The following PIWIL2 variants were observed in gnomAD, a reference collection of about 807,000 sequenced individuals.
The protein encoded by PIWIL2 is piwi-like protein 2.
Under a neutral mutation model 116.5 loss-of-function variants are expected in PIWIL2, and 81 were observed. That is an observed-to-expected ratio of 0.70 (90% confidence interval 0.58 to 0.84). The LOEUF is 0.84. Ranked by LOEUF, PIWIL2 falls within the 40% of genes least tolerant of loss-of-function variation. The pLI, the probability that PIWIL2 is intolerant of heterozygous loss-of-function variation, is 0.00. For synonymous variants in PIWIL2, 489 were observed against 429.5 expected (o/e 1.14, Z -1.71); for missense variants, 1,272 against 1,212.3 (o/e 1.05, Z -0.73).
chr8:22,340,968 C>T (rs1382238179), intron 20 of PIWIL2, among the ~76,000 whole-genome samples: 1 of 152,126 alleles, frequency 6.6e-6, no homozygotes, highest in Non-Finnish European at 1.5e-5. Context: ...CCGCCTTGCC[C>T]TCCCAAAGTG....
chr8:22,319,549 A>G (rs1369630813), intron 20 of PIWIL2, among the ~76,000 whole-genome samples: 2 of 152,180 alleles, frequency 1.3e-5, no homozygotes, highest in South Asian at 2.1e-4. Context: ...TGGGTTGTAA[A>G]TTACTTGAAC....
Position 22,296,020 on chromosome 8 carries a change from CTTTTTTTTTTTTTTT to C in PIWIL2, c.1181+5698_1181+5712del, listed in dbSNP as rs67357452. Among the ~76,000 whole-genome samples the C allele has an allele frequency of 2.1e-3, 211 of 102,826 alleles. No individual in the cohort carries two copies. The South Asian group carries it at 0.022, about 11-fold the overall frequency. 67.5% of individuals were successfully genotyped at this position (102,826 alleles called of 152,430 possible). ...ACTGTCTTGGGGTTCCTCTTCCCTT[CTTTTTTTTTTTTTTT>C]TTTTTTTTTTTTTTTTTTTTTTTGT... is the stretch of plus-strand genomic sequence containing the variant. On this transcript the variant is annotated intron_variant, in intron 10 of 22. Transcript: ENST00000356766.
chr8:22,322,797 T>G (rs1831632454), intron 20 of PIWIL2, among the ~76,000 whole-genome samples: 5 of 152,072 alleles, frequency 3.3e-5, no homozygotes, highest in Admixed American at 3.3e-4. Flanking sequence ...TGCCTTGGCC[T>G]CCCAAAGTGC....
At chr8:22,309,933 T>C in intron 14 of PIWIL2, 28 bp from the exon 15 acceptor site, 1 of 1,343,526 alleles carries the variant, frequency 7.4e-7, no homozygotes, top group Non-Finnish European at 1.1e-6. Flanking sequence ...AAAAGGCTCA[T>C]GTCATAGATG....
Position 22,336,836 on chromosome 8 carries a change from G to A in PIWIL2, c.2404-16123G>A, listed in dbSNP as rs535291262. On this transcript the variant is annotated intron_variant, in intron 20 of 22. Transcript: ENST00000356766. The stretch of plus-strand genomic sequence containing the variant: ...AAGCCAAAAGTTGGTTCTTTGAGGA[G>A]ATAAAGTTGACAACCTTTAGTTTAG... 4.3e-4 allele frequency among the ~76,000 whole-genome samples: 65 copies of A among 152,132 alleles called. 1 individual carries two copies. Among genetic ancestry groups the A allele is most frequent in the African/African-American group, 1.6e-3 (65 of 41,440 alleles).
Position 22,290,230 on chromosome 8 carries a change from C to T in PIWIL2, c.1068-3C>T. 1.3e-6 allele frequency: 2 copies of T among 1,579,970 alleles called. No homozygotes were observed. The highest frequency in any genetic ancestry group is 8.7e-7 in the Non-Finnish European group (1 of 1,150,048). On this transcript the variant is annotated splice_polypyrimidine_tract_variant and splice_region_variant and intron_variant, in intron 9 of 22. Transcript: ENST00000356766. ...CTACAGTTGAGACCACCTCTCTCTC[C>T]AGATTGCAGATCTGGCCAGGCTATG...
chr8:22,283,265 T>A, intron 5 of PIWIL2, 25 bp downstream of exon 5: 1 of 1,549,682 alleles, frequency 6.5e-7, no homozygotes, highest in African/African-American at 1.4e-5. Flanking sequence ...CTGCCTTCTC[T>A]ACTTAGTAAT....
chr8:22,298,880 G>A (rs1207764541), intron 10 of PIWIL2, among the ~76,000 whole-genome samples: 4 of 152,182 alleles, frequency 2.6e-5, no homozygotes, highest in East Asian at 3.9e-4. Flanking sequence ...AGAGGTATGC[G>A]TATTGGATTA....
intron 20 of PIWIL2, among the ~76,000 whole-genome samples, chr8:22,352,533 G>A (rs1204415106): frequency 2.0e-5 from 3 of 152,298 alleles, no homozygotes; most frequent in Non-Finnish European, 2.9e-5. Context: ...GATGGCAGCG[G>A]ATCTGTGGCA....
At chr8:22,312,029 T>A (rs1831344710) in intron 16 of PIWIL2, among the ~76,000 whole-genome samples, 1 of 152,076 alleles carries the variant, frequency 6.6e-6, no homozygotes. Flanking sequence ...GTTGGGATGC[T>A]GAGGTGGGCG....
intron 20 of PIWIL2, among the ~76,000 whole-genome samples, chr8:22,323,374 C>A (rs1158884964): frequency 2.0e-5 from 3 of 152,094 alleles, no homozygotes; most frequent in Non-Finnish European, 2.9e-5. Context: ...TCTCGAACTC[C>A]TGACCTCGTG....
chr8:22,318,065 A>G (rs1484896605), intron 19 of PIWIL2, 105 bp from the exon 20 acceptor site: 1 of 640,146 alleles, frequency 1.6e-6, no homozygotes, highest in East Asian at 2.7e-5. Flanking sequence ...TTGTTTTTGG[A>G]TTGATTGGTA....
At chr8:22,283,468 G>C (rs1360077392) in intron 5 of PIWIL2, among the ~76,000 whole-genome samples, 1 of 152,208 alleles carries the variant, frequency 6.6e-6, no homozygotes, top group Non-Finnish European at 1.5e-5. Context: ...CAGTGCAGTG[G>C]TGCAATCTTG....
At position 22,305,998 on chromosome 8, in the gene PIWIL2, G is replaced by A; in HGVS notation, c.1527G>A (p.Lys509=). 2 of 1,613,416 alleles carry A rather than the reference G, an allele frequency of 1.2e-6. No homozygotes were observed. Among genetic ancestry groups the A allele is most frequent in the Admixed American group, 3.3e-5 (2 of 60,018 alleles). ...FMTGIPEKMK[K]DFRAMKDLAQ... is the part of the protein sequence containing the mutation. Reference sequence around the variant, plus strand: ...CCGGAATCCCAGAGAAGATGAAGAAGGACTTCAGAGCCATGAAGGTTGGAG... The same window carrying A: ...CCGGAATCCCAGAGAAGATGAAGAAAGACTTCAGAGCCATGAAGGTTGGAG... The change falls in exon 13 of 23, where the codon AAG becomes AAA. Residue 509 remains lysine, a synonymous_variant. Transcript: ENST00000356766.
chr8:22,282,001 G>C (rs908982194), intron 4 of PIWIL2, among the ~76,000 whole-genome samples: 2 of 150,616 alleles, frequency 1.3e-5, no homozygotes, highest in Non-Finnish European at 2.9e-5. Context: ...TTGAGCTCCT[G>C]ACCTCAGGCA....
chr8:22,324,573 G>C (rs1004344211), intron 20 of PIWIL2, among the ~76,000 whole-genome samples: 1 of 152,104 alleles, frequency 6.6e-6, no homozygotes, highest in African/African-American at 2.4e-5. Flanking sequence ...TGAAGGTACA[G>C]TTCACCCCCA....
chr8:22,307,275 G>T (rs183843207), intron 13 of PIWIL2, among the ~76,000 whole-genome samples: 1 of 151,506 alleles, frequency 6.6e-6, no homozygotes, highest in Admixed American at 6.6e-5. Context: ...GCCTGTCTTG[G>T]CCTCCCAAAG....
chr8:22,279,327 G>A lies in PIWIL2; in HGVS notation c.-46-14G>A. The A allele has an allele frequency of 1.5e-6, 2 of 1,292,242 alleles. No homozygotes were observed. Among genetic ancestry groups the A allele is most frequent in the Non-Finnish European group, 2.3e-6 (2 of 887,416 alleles). The allele number at this position is 1,292,242 out of a possible 1,614,324, so 80.0% of individuals were successfully genotyped here. A position where few individuals can be genotyped will look rare whatever the true frequency, so the allele number is the denominator to read the frequency against. ...AAACAATTGGGAATCTTAATCTTTT[G>A]AAAATGATGGCAGGTAATTAACCAG... On this transcript the variant is annotated splice_polypyrimidine_tract_variant and intron_variant, in intron 1 of 22. Transcript: ENST00000356766.
intron 21 of PIWIL2, among the ~76,000 whole-genome samples, chr8:22,353,875 A>G (rs2132116517): frequency 7.0e-6 from 1 of 143,382 alleles, no homozygotes; most frequent in African/African-American, 2.6e-5. Context: ...GCTTAGGCCC[A>G]GGTGATCCTC....
Sources: allele counts gnomAD v4.1 joint callset (sites outside exome capture counted in the v4.1 genomes callset), GRCh38; gene constraint gnomAD v4.1.1; transcripts MANE v1.5; gene names NCBI Gene and HGNC (gene_info 2026-07-23, HGNC 2026-07-21).